MAPK6: variants seen among roughly 807,000 people sequenced by gnomAD.
MAPK6 encodes mitogen-activated protein kinase 6, also known as ERK-3.
Under a neutral mutation model 59.3 loss-of-function variants are expected in MAPK6, and 19 were observed. The observed-to-expected ratio is 0.32, with a 90% confidence interval of 0.22 to 0.47. The LOEUF is 0.47. MAPK6 is among the 20% of genes least tolerant of loss of function. The probability of loss-of-function intolerance (pLI) is 1.00; values close to 1 mark genes in which losing one functional copy is unlikely to be tolerated. For synonymous variants in MAPK6, 316 were observed against 290.3 expected (o/e 1.09, Z -0.90); for missense variants, 724 against 847.9 (o/e 0.85, Z 1.81).
At chr15:52,044,081 A>AT (rs1177112316) in intron 1 of MAPK6, among the ~76,000 whole-genome samples, 2 of 151,778 alleles carry the variant, frequency 1.3e-5, no homozygotes, top group African/African-American at 4.8e-5. Context: ...GCCTTGAGAT[A>AT]TTTTTTTAAT....
intron 3 of MAPK6, among the ~76,000 whole-genome samples, chr15:52,051,121 G>A (rs1019065950): frequency 2.0e-5 from 3 of 151,886 alleles, no homozygotes; most frequent in Admixed American, 6.6e-5. Context: ...GCAGTGGTGC[G>A]ATTTCTGCTC....
intron 2 of MAPK6, among the ~76,000 whole-genome samples, chr15:51,990,846 C>T (rs1203423813): frequency 2.0e-5 from 3 of 152,078 alleles, no homozygotes; most frequent in Non-Finnish European, 4.4e-5. Flanking sequence ...CCCGGCTACT[C>T]GGGAGGCTGA....
chr15:52,019,444 CCGGCGG>C (rs879025418), intron 1 of MAPK6, 68 bp downstream of exon 1: 22 of 146,522 alleles, frequency 1.5e-4, no homozygotes, highest in Non-Finnish European at 2.0e-4. Flanking sequence ...CGCGGCGGGC[CCGGCGG>C]CGGCGGCGGC....
chr15:51,997,893 T>A (rs1595961780), intron 2 of MAPK6, among the ~76,000 whole-genome samples: 5 of 151,860 alleles, frequency 3.3e-5, no homozygotes, highest in Admixed American at 3.3e-4. Flanking sequence ...CGCCCGGCCT[T>A]TAAAGTTATT....
At chr15:52,062,190 C>T (rs899330517) in intron 5 of MAPK6, among the ~76,000 whole-genome samples, 1 of 151,030 alleles carries the variant, frequency 6.6e-6, no homozygotes, top group Middle Eastern at 3.4e-3. Flanking sequence ...GCTGGGATTA[C>T]AGGTACCCAG....
rs780003420 is a variant in MAPK6, at chr15:52,035,359, G to A, written c.-631-10471G>A. On this transcript the variant is annotated intron_variant, in intron 1 of 5. Coordinates refer to ENST00000261845, the MANE Select transcript of MAPK6 (RefSeq NM_002748.4). ...ACACATTCAAAACCCATAGGGGGCC[G>A]GGCAGTGGCTCACGCCTGTAATCCC... Among the ~76,000 whole-genome samples, 4 of 152,198 alleles carry A rather than the reference G, an allele frequency of 2.6e-5. 1 individual carries two copies. In the East Asian group the frequency reaches 5.8e-4, roughly 22 times the overall value.
intron 1 of MAPK6, among the ~76,000 whole-genome samples, chr15:52,026,367 C>A (rs2030774888): frequency 1.3e-5 from 2 of 152,300 alleles, no homozygotes; most frequent in African/African-American, 2.4e-5. Context: ...TCTTCGCTCA[C>A]TGCAGCCTCC....
chr15:51,996,894 T>C (rs2057226025), intron 2 of MAPK6, among the ~76,000 whole-genome samples: 1 of 152,134 alleles, frequency 6.6e-6, no homozygotes, highest in Admixed American at 6.6e-5. Flanking sequence ...ATAGTCTCCC[T>C]ATGGTCTGGA....
chr15:52,063,721 A>G (rs1468439093), intron 5 of MAPK6, among the ~76,000 whole-genome samples, 181 bp from the exon 6 acceptor site: 1 of 152,224 alleles, frequency 6.6e-6, no homozygotes, highest in Admixed American at 6.5e-5. Flanking sequence ...GGCAATTACC[A>G]AATATATTAA....
chr15:51,989,819 G>A (rs1316464405), intron 2 of MAPK6, among the ~76,000 whole-genome samples: 2 of 152,078 alleles, frequency 1.3e-5, no homozygotes, highest in Non-Finnish European at 1.5e-5. Flanking sequence ...GCCCAGGCTG[G>A]TCTCGAATGC....
chr15:51,988,560 T>C (rs1284213303), intron 2 of MAPK6, among the ~76,000 whole-genome samples: 12 of 151,890 alleles, frequency 7.9e-5, no homozygotes, highest in Admixed American at 5.9e-4. Context: ...TATGAAACCC[T>C]GTCTCTACTA....
chr15:52,030,110 G>A (rs1279801600), intron 1 of MAPK6, among the ~76,000 whole-genome samples: 1 of 152,094 alleles, frequency 6.6e-6, no homozygotes, highest in African/African-American at 2.4e-5. Context: ...GTTTTATCCT[G>A]CCTTAGGTTT....
Position 52,046,274 on chromosome 15 carries a change from T to A in MAPK6, c.-187T>A, listed in dbSNP as rs2031590486. On this transcript the variant is annotated 5_prime_UTR_variant, in exon 2 of 6. Transcript: ENST00000261845. Reference sequence around the variant, plus strand: ...TCAATATGAATAGAGCTTTTTGAGCTTTAAATCTAAGGGGAACTCGACAGG... The same window carrying A: ...TCAATATGAATAGAGCTTTTTGAGCATTAAATCTAAGGGGAACTCGACAGG... 38 of 547,752 alleles carry A rather than the reference T, an allele frequency of 6.9e-5. 1 individual carries two copies. In the South Asian group the frequency reaches 8.6e-4, roughly 12 times the overall value. 33.9% of individuals were successfully genotyped at this position (547,752 alleles called of 1,614,324 possible). A position where few individuals can be genotyped will look rare whatever the true frequency, so the allele number is the denominator to read the frequency against.
At chr15:52,054,558 ACTTTAG>A (rs2031895565) in intron 3 of MAPK6, among the ~76,000 whole-genome samples, 1 of 152,142 alleles carries the variant, frequency 6.6e-6, no homozygotes, top group African/African-American at 2.4e-5. Context: ...CATACTGTCA[ACTTTAG>A]CTTTATGTGT....
intron 1 of MAPK6, among the ~76,000 whole-genome samples, chr15:52,040,108 T>C (rs999583653): frequency 1.3e-5 from 2 of 152,234 alleles, no homozygotes; most frequent in Non-Finnish European, 2.9e-5. Context: ...GCAGCTAAGC[T>C]GTAGCACTTG....
chr15:51,981,155 G>T (rs568803588), intron 1 of MAPK6, among the ~76,000 whole-genome samples: 15 of 151,734 alleles, frequency 9.9e-5, no homozygotes, highest in Admixed American at 6.6e-5. Context: ...GCTTGGAAAA[G>T]GTTCCAATAT....
chr15:52,046,770 G>A lies in MAPK6; in HGVS notation c.310G>A (p.Val104Ile). 6.2e-7 allele frequency: 1 copy of A among 1,614,096 alleles called. No individual in the cohort carries two copies. The highest frequency in any genetic ancestry group is 2.2e-5 in the East Asian group (1 of 44,882). ...GGGCTCTCTTACGGAACTGAACAGT[G>A]TTTACATTGTTCAGGAGTACATGGA... The part of the protein sequence containing the change: ...DVGSLTELNS[V>I]YIVQEYMETD... Residue 104 changes from valine (V) to isoleucine (I), a missense_variant, in exon 2 of 6, where the codon GTT becomes ATT. Val to Ile is a conservative substitution (Grantham distance 29). Coordinates refer to ENST00000261845, the MANE Select transcript of MAPK6 (RefSeq NM_002748.4).
intron 1 of MAPK6, among the ~76,000 whole-genome samples, chr15:52,043,976 A>G (rs1056593847): frequency 4.0e-5 from 6 of 151,580 alleles, no homozygotes; most frequent in African/African-American, 7.3e-5. Context: ...GGGTTTCACC[A>G]TATTGGCCAG....
At chr15:52,033,715 A>G (rs1230174109) in intron 1 of MAPK6, 4 of 152,172 alleles carry the variant, frequency 2.6e-5, no homozygotes, top group African/African-American at 7.2e-5. Context: ...GCTCCCTTTC[A>G]TATATACATA....
Sources: gnomAD v4.1 joint callset for allele counts (sites outside exome capture counted in the v4.1 genomes callset) on GRCh38, gnomAD v4.1.1 for gene constraint, MANE v1.5 for transcripts, NCBI Gene and HGNC (gene_info 2026-07-23, HGNC 2026-07-21) for gene names.